TACR3: variants seen among roughly 807,000 people sequenced by gnomAD.
The protein encoded by TACR3 is tachykinin receptor 3, also known as neuromedin-K receptor.
Under a neutral mutation model 35.0 loss-of-function variants are expected in TACR3, and 34 were observed. The observed-to-expected ratio is 0.97, with a 90% confidence interval of 0.74 to 1.30. The LOEUF (loss-of-function observed/expected upper bound fraction) is 1.30. Ranked by LOEUF, TACR3 falls within the 50% of genes most tolerant of loss-of-function variation. The pLI, the probability that TACR3 is intolerant of heterozygous loss-of-function variation, is 0.00. For synonymous variants in TACR3, 233 were observed against 221.1 expected (o/e 1.05, Z -0.48); for missense variants, 558 against 591.7 (o/e 0.94, Z 0.59).
chr4:103,675,040 G>T (rs1178800843), intron 1 of TACR3, among the ~76,000 whole-genome samples: 1 of 152,084 alleles, frequency 6.6e-6, no homozygotes, highest in African/African-American at 2.4e-5. Flanking sequence ...CATGAAAAAT[G>T]AACACTTTTT....
At chr4:103,613,015 G>C (rs1724545749) in intron 3 of TACR3, among the ~76,000 whole-genome samples, 1 of 152,208 alleles carries the variant, frequency 6.6e-6, no homozygotes, top group African/African-American at 2.4e-5. Context: ...GCTTCTGAGA[G>C]AGTGTTATAA....
chr4:103,599,619 G>A (rs11731188), intron 3 of TACR3, among the ~76,000 whole-genome samples: 2 of 152,120 alleles, frequency 1.3e-5, no homozygotes, highest in South Asian at 2.1e-4. Flanking sequence ...ATTATTTTGA[G>A]ATACGTCCCA....
At chr4:103,632,414 C>T (rs1725087790) in intron 3 of TACR3, among the ~76,000 whole-genome samples, 1 of 152,042 alleles carries the variant, frequency 6.6e-6, no homozygotes, top group Admixed American at 6.6e-5. Flanking sequence ...AGCCATCATG[C>T]TCAGCAAACT....
intron 3 of TACR3, among the ~76,000 whole-genome samples, chr4:103,600,101 G>C (rs1265384882): frequency 1.3e-5 from 2 of 151,918 alleles, no homozygotes; most frequent in Non-Finnish European, 2.9e-5. Context: ...TTTTTTGGTT[G>C]GTAAGCTATT....
intron 3 of TACR3, among the ~76,000 whole-genome samples, chr4:103,643,392 G>T (rs1725397309): frequency 6.6e-6 from 1 of 151,076 alleles, no homozygotes; most frequent in Admixed American, 6.6e-5. Flanking sequence ...GGGGGAGATT[G>T]CCAGTCTGGC....
intron 3 of TACR3, among the ~76,000 whole-genome samples, chr4:103,615,376 CGTGTGTGT>C (rs3974469): frequency 4.9e-5 from 7 of 143,852 alleles, no homozygotes; most frequent in Non-Finnish European, 7.5e-5. Flanking sequence ...TTCCTGCTAT[CGTGTGTGT>C]GTGTGTGTGT....
At chr4:103,712,282 A>G (rs1460096133) in intron 1 of TACR3, among the ~76,000 whole-genome samples, 4 of 151,552 alleles carry the variant, frequency 2.6e-5, no homozygotes, top group African/African-American at 9.7e-5. Context: ...AGAGATACAT[A>G]CCAATGGAAC....
intron 3 of TACR3, among the ~76,000 whole-genome samples, chr4:103,602,619 A>C (rs1724236230): frequency 6.6e-6 from 1 of 151,976 alleles, no homozygotes; most frequent in Non-Finnish European, 1.5e-5. Context: ...CAGGACCCTC[A>C]GCTGCAGGTC....
intron 1 of TACR3, among the ~76,000 whole-genome samples, chr4:103,669,623 G>T (rs537151304): frequency 6.6e-6 from 1 of 151,936 alleles, no homozygotes; most frequent in Admixed American, 6.6e-5. Context: ...TAATATACTT[G>T]TTGATGATTT....
In TACR3 at chr4:103,712,556, A is replaced by G. The variant is rs560417745; in HGVS notation, c.548+6572T>C. 8.5e-5 allele frequency among the ~76,000 whole-genome samples: 13 copies of G among 152,362 alleles called. No individual in the cohort carries two copies. In the East Asian group the frequency reaches 2.3e-3, roughly 27 times the overall value. On this transcript the variant is annotated intron_variant, in intron 1 of 4. Transcript: ENST00000304883. ...ACCTAGGCAATACCATTCAGGTCAT[A>G]GGCATGGGCAAGGACTTTATGACTA...
At chr4:103,599,378 T>C (rs967655704) in intron 3 of TACR3, among the ~76,000 whole-genome samples, 15 of 152,204 alleles carry the variant, frequency 9.9e-5, no homozygotes, top group Non-Finnish European at 4.4e-5. Flanking sequence ...GTTTTCTAGA[T>C]ACACAATCAT....
chr4:103,602,205 C>A (rs965454620), intron 3 of TACR3, among the ~76,000 whole-genome samples: 3 of 152,174 alleles, frequency 2.0e-5, no homozygotes, highest in Non-Finnish European at 4.4e-5. Context: ...GCATTCGTCA[C>A]GTAGCTCTCG....
intron 3 of TACR3, among the ~76,000 whole-genome samples, chr4:103,603,679 T>C (rs943638716): frequency 3.3e-5 from 5 of 152,210 alleles, no homozygotes; most frequent in Admixed American, 2.0e-4. Flanking sequence ...ATCCTTTGGG[T>C]ATATACCCAG....
At chr4:103,707,879 C>T (rs960049895) in intron 1 of TACR3, among the ~76,000 whole-genome samples, 1 of 152,178 alleles carries the variant, frequency 6.6e-6, no homozygotes, top group South Asian at 2.1e-4. Context: ...CAGAGGGTCC[C>T]ACACCCAAGG....
In TACR3 at chr4:103,589,734, G is replaced by A. The variant is rs368816792; in HGVS notation, c.1346C>T (p.Ala449Val). Residue 449 changes from alanine (A) to valine (V), a missense_variant, in exon 5 of 5, where the codon GCC (alanine) becomes GTC (valine). Physicochemically the swap from Ala to Val is moderately conservative, Grantham distance 64. Coordinates refer to ENST00000304883, the MANE Select transcript of TACR3 (RefSeq NM_001059.3). ...CSRRNSKSASATSSFISSPYT... is the reference protein window; with the variant it reads ...CSRRNSKSASVTSSFISSPYT... ...GGGTGAGCTTATGAAACTTGAAGTG[G>A]CGGAGGCAGATTTGGAATTCCTGCG... 2.5e-6 allele frequency: 4 copies of A among 1,613,834 alleles called. No individual in the cohort carries two copies. In the African/African-American group the frequency reaches 5.3e-5, roughly 22 times the overall value.
In TACR3 at chr4:103,697,970, T is replaced by G. The variant is rs577083331; in HGVS notation, c.548+21158A>C. Among the ~76,000 whole-genome samples, 7 of 152,324 alleles carry G rather than the reference T, an allele frequency of 4.6e-5. No homozygotes were observed. The East Asian group carries it at 1.2e-3, about 25-fold the overall frequency. ...ATGGTGAACGGGGATTGCCAGTAAC[T>G]TCTTATGTAGGAAAGATATTGCATT... is the stretch of plus-strand genomic sequence containing the variant. On this transcript the variant is annotated intron_variant, in intron 1 of 4. Coordinates refer to ENST00000304883, the MANE Select transcript of TACR3 (RefSeq NM_001059.3).
Position 103,589,990 on chromosome 4 carries a change from G to T in TACR3, c.1090C>A (p.Arg364=). Residue 364 remains arginine, a synonymous_variant, in exon 5 of 5, where the codon CGA becomes AGA. Coordinates refer to ENST00000304883, the MANE Select transcript of TACR3 (RefSeq NM_001059.3). The part of the protein sequence containing the change: ...IIYCCLNKRF[R]AGFKRAFRWC... ...CGAAATGCTCTCTTGAAGCCAGCTC[G>T]AAATCTGAGGAAAAGCAGGCCACAG... The T allele has an allele frequency of 1.2e-6, 2 of 1,611,680 alleles. No individual in the cohort carries two copies. Among genetic ancestry groups the T allele is most frequent in the Non-Finnish European group, 8.5e-7 (1 of 1,178,534 alleles).
chr4:103,719,840 TGGG>T lies in TACR3; in HGVS notation c.-168_-166del. 1 of 912,062 alleles carries T rather than the reference TGGG, an allele frequency of 1.1e-6. No homozygotes were observed. Among genetic ancestry groups the T allele is most frequent in the Non-Finnish European group, 1.7e-6 (1 of 605,942 alleles). 56.5% of individuals were successfully genotyped at this position (912,062 alleles called of 1,614,324 possible). On this transcript the variant is annotated 5_prime_UTR_variant, in exon 1 of 5. Coordinates refer to ENST00000304883, the MANE Select transcript of TACR3 (RefSeq NM_001059.3). Reference sequence around the variant, plus strand: ...ATCCCTGCTGGTTAGGGGATGCAGCTGGGGCTAAGGGGCAACAGCTGCACTTTC... The same window carrying T: ...ATCCCTGCTGGTTAGGGGATGCAGCTGCTAAGGGGCAACAGCTGCACTTTC...
intron 1 of TACR3, among the ~76,000 whole-genome samples, chr4:103,717,816 AT>A (rs3839187): frequency 0.32 from 49,194 of 151,608 alleles, 12,181 homozygotes; most frequent in African/African-American, 0.7. Flanking sequence ...CTGGAGTCTG[AT>A]TTTTTTTTCA....
Sources: gnomAD v4.1 joint callset for allele counts (sites outside exome capture counted in the v4.1 genomes callset) on GRCh38, gnomAD v4.1.1 for gene constraint, MANE v1.5 for transcripts, NCBI Gene and HGNC (gene_info 2026-07-23, HGNC 2026-07-21) for gene names.